The following UNC93B1 variants were observed in gnomAD, a reference collection of about 807,000 sequenced individuals.
UNC93B1 encodes unc-93B1 regulator of TLR signaling, also known as protein unc-93 homolog B1.
UNC93B1 carries 33 observed loss-of-function variants against 56.8 expected under a neutral mutation model. The ratio of observed to expected loss-of-function variants is 0.58; its 90% CI spans 0.44 to 0.78. The LOEUF is 0.78. Among genes scored for constraint, UNC93B1 ranks in the 30% least tolerant of loss-of-function variants. The probability of loss-of-function intolerance (pLI) is 0.00; values close to 1 mark genes in which losing one functional copy is unlikely to be tolerated. For synonymous variants in UNC93B1, 334 were observed against 358.6 expected, an observed-to-expected ratio of 0.93 and a Z score of 0.77; for missense variants, 673 against 819.5, an observed-to-expected ratio of 0.82 and a Z score of 2.18.
chr11:68,004,074 GC>G lies in UNC93B1; in HGVS notation c.-32del. On this transcript the variant is annotated 5_prime_UTR_variant, in exon 1 of 11. Coordinates refer to ENST00000227471, the MANE Select transcript of UNC93B1 (RefSeq NM_030930.4). Reference sequence around the variant, plus strand: ...GAACTACTGCGGACTCGCGGCGGTCGCCCCGGAGTCCCTGCGACCGCCCGGC... The same window carrying G: ...GAACTACTGCGGACTCGCGGCGGTCGCCCGGAGTCCCTGCGACCGCCCGGC... 7.6e-7 allele frequency: 1 copy of G among 1,311,418 alleles called. No individual in the cohort carries two copies. The highest frequency in any genetic ancestry group is 2.0e-5 in the South Asian group (1 of 48,950). 81.2% of individuals were successfully genotyped at this position (1,311,418 alleles called of 1,614,324 possible).
rs945915720 is a variant in UNC93B1, at chr11:67,997,785, C to T, written c.796G>A (p.Gly266Arg). The T allele has an allele frequency of 2.5e-6, 4 of 1,608,220 alleles. No individual in the cohort carries two copies. Among genetic ancestry groups the T allele is most frequent in the South Asian group, 1.1e-5 (1 of 90,768 alleles). ...GTCTTGTTGAAGCCGCTGAGGATCC[C>T]GTGGCTGTTGGTGCCTGGGAAGGGT... ...NVQSCGTNSH[G>R]ILSGFNKTVL... The change falls in exon 7 of 11, where the codon GGG becomes AGG. Residue 266 changes from glycine to arginine, a missense_variant. Gly to Arg is a moderately radical substitution (Grantham distance 125). Transcript: ENST00000227471.
chr11:67,996,059 A>T, intron 8 of UNC93B1, 175 bp from the exon 9 acceptor site: 1 of 372,548 alleles, frequency 2.7e-6, no homozygotes, highest in Non-Finnish European at 4.7e-6. Context: ...CCCCCCTGCG[A>T]TGGGGGTCCT....
chr11:67,999,289 G>A lies in UNC93B1; in HGVS notation c.571C>T (p.His191Tyr). The A allele has an allele frequency of 1.2e-6, 2 of 1,613,436 alleles. No individual in the cohort carries two copies. The highest frequency in any genetic ancestry group is 1.7e-6 in the Non-Finnish European group (2 of 1,179,744). Reference sequence around the variant, plus strand: ...TGCTCCTTGTAGTGGGAGTACTCATGGTACTTCTGCGCCATCCTGGACCAC... The same window carrying A: ...TGCTCCTTGTAGTGGGAGTACTCATAGTACTTCTGCGCCATCCTGGACCAC... Reference protein sequence around the residue: ...NYITRMAQKYHEYSHYKEQDG... With the variant: ...NYITRMAQKYYEYSHYKEQDG... Residue 191 changes from histidine (H) to tyrosine (Y), a missense_variant, in exon 5 of 11, where the codon CAT becomes TAT. Physicochemically the swap from His to Tyr is moderately conservative, Grantham distance 83. This residue lies in a region of UNC93B1 where 438 missense variants were observed against 465.9 expected (regional missense o/e 0.94). Transcript: ENST00000227471.
intron 3 of UNC93B1, among the ~76,000 whole-genome samples, chr11:68,002,185 T>TACACACACACACACAC (rs60629377): frequency 4.6e-4 from 65 of 140,774 alleles, no homozygotes; most frequent in South Asian, 1.2e-3. Context: ...CCCGCTTGCA[T>TACACACACACACACAC]ACACACACAC....
At chr11:67,995,274 A>G (rs113456865) in intron 9 of UNC93B1, among the ~76,000 whole-genome samples, 67 of 152,134 alleles carry the variant, frequency 4.4e-4, no homozygotes, top group African/African-American at 9.9e-4. Flanking sequence ...CACCTGCCCC[A>G]TGTAGCCACG....
In UNC93B1 at chr11:67,999,250, T is replaced by G. The variant is rs190433337; in HGVS notation, c.610A>C (p.Met204Leu). 3.1e-6 allele frequency: 5 copies of G among 1,613,660 alleles called. No individual in the cohort carries two copies. Among genetic ancestry groups the G allele is most frequent in the Middle Eastern group, 1.6e-4 (1 of 6,062 alleles). Reference sequence around the variant, plus strand: ...GAGCCCCGCGGAGGCCGCTGCTTCATCCCCTGCCCATCCTGCTCCTTGTAG... The same window carrying G: ...GAGCCCCGCGGAGGCCGCTGCTTCAGCCCCTGCCCATCCTGCTCCTTGTAG... Reference protein sequence around the residue: ...SHYKEQDGQGMKQRPPRGSHA... With the variant: ...SHYKEQDGQGLKQRPPRGSHA... Residue 204 changes from methionine (M) to leucine (L), a missense_variant, in exon 5 of 11, where the codon ATG becomes CTG. Met to Leu is a conservative substitution (Grantham distance 15, BLOSUM62 2). Around this residue, in one of 3 missense-constraint regions of UNC93B1, gnomAD observed 438 missense variants for 465.9 expected, o/e 0.94. Coordinates refer to ENST00000227471, the MANE Select transcript of UNC93B1 (RefSeq NM_030930.4).
chr11:67,997,698 C>G lies in UNC93B1; in HGVS notation c.883G>C (p.Val295Leu), dbSNP rs1856972682. The G allele has an allele frequency of 6.2e-7, 1 of 1,606,806 alleles. No homozygotes were observed. Among genetic ancestry groups the G allele is most frequent in the South Asian group, 1.1e-5 (1 of 91,066 alleles). The change falls in exon 7 of 11, where the codon GTG (valine) becomes CTG (leucine). Residue 295 changes from valine (V) to leucine (L), a missense_variant. Physicochemically the swap from Val to Leu is conservative, Grantham distance 32. Around this residue, in one of 3 missense-constraint regions of UNC93B1, gnomAD observed 438 missense variants for 465.9 expected, o/e 0.94. Transcript: ENST00000227471. ...LIVVESVLMA[V>L]AFLAMLLVLG... is the part of the protein sequence containing the mutation. ...ACCAGCAGCATGGCCAGGAAGGCCA[C>G]TGCCATGAGCACGCTCTCCACCACA...
In UNC93B1 at chr11:67,991,385, C is replaced by T. The variant is rs1451074139; in HGVS notation, c.*161G>A. The T allele has an allele frequency of 3.6e-5, 25 of 695,656 alleles. No homozygotes were observed. The highest frequency in any genetic ancestry group is 4.7e-5 in the Non-Finnish European group (22 of 471,508). The allele number at this position is 695,656 out of a possible 1,614,324, so 43.1% of individuals were successfully genotyped here. ...CGCCTTGGAGGGGGCTGCGGAAGCC[C>T]GGAGGTGACCTGGGCTCTGGGAGGG... On this transcript the variant is annotated 3_prime_UTR_variant, in exon 11 of 11. Transcript: ENST00000227471.
rs1192596291 is a variant in UNC93B1, at chr11:67,991,864, G to GT, written c.1483-8dup. The GT allele has an allele frequency of 1.0e-5, 16 of 1,560,680 alleles. No homozygotes were observed. In the African/African-American group the frequency reaches 2.2e-4, roughly 21 times the overall value. On this transcript the variant is annotated splice_region_variant and splice_polypyrimidine_tract_variant and intron_variant, in intron 10 of 10. Transcript: ENST00000227471. Reference sequence around the variant, plus strand: ...GCAGCACCGCCAGCTTAGCCTGGGCGTAAGGAGAGGGATGCCAGGGACCCG... The same window carrying GT: ...GCAGCACCGCCAGCTTAGCCTGGGCGTTAAGGAGAGGGATGCCAGGGACCCG...
At position 67,991,119 on chromosome 11, in the gene UNC93B1, CTT is replaced by C. The variant is rs1480263571; in HGVS notation, c.*425_*426del. 6.0e-6 allele frequency: 1 copy of C among 166,398 alleles called. No individual in the cohort carries two copies. The highest frequency in any genetic ancestry group is 2.4e-5 in the African/African-American group (1 of 41,920). The allele number at this position is 166,398 out of a possible 1,614,324, so 10.3% of individuals were successfully genotyped here. On this transcript the variant is annotated 3_prime_UTR_variant, in exon 11 of 11. Coordinates refer to ENST00000227471, the MANE Select transcript of UNC93B1 (RefSeq NM_030930.4). The stretch of plus-strand genomic sequence containing the variant: ...CCCCAGTCAGGACAGTACAAAATCT[CTT>C]TATTGCTCATTTTCTGTAAAAAATC...
At chr11:67,994,697 G>C (rs1418883940) in intron 9 of UNC93B1, among the ~76,000 whole-genome samples, 1 of 152,210 alleles carries the variant, frequency 6.6e-6, no homozygotes, top group Non-Finnish European at 1.5e-5. Flanking sequence ...AAACGGCCAA[G>C]AGACTGTGGT....
At chr11:67,992,650 T>C (rs1384632929) in intron 10 of UNC93B1, among the ~76,000 whole-genome samples, 1 of 121,042 alleles carries the variant, frequency 8.3e-6, no homozygotes, top group Non-Finnish European at 1.7e-5. Context: ...CTCACTGCTT[T>C]TCTTTTTTTT....
rs1856839933 is a variant in UNC93B1, at chr11:67,991,535, C to G, written c.*11G>C. On this transcript the variant is annotated 3_prime_UTR_variant, in exon 11 of 11. Transcript: ENST00000227471. ...GAGGAGGGAGGCTGAGTCCGGGGAC[C>G]AGGCGGCCCCTCACTGCTCCTCCGG... 7.1e-7 allele frequency: 1 copy of G among 1,404,132 alleles called. No individual in the cohort carries two copies. The highest frequency in any genetic ancestry group is 9.2e-7 in the Non-Finnish European group (1 of 1,085,544). The allele number at this position is 1,404,132 out of a possible 1,614,324, so 87.0% of individuals were successfully genotyped here. A position where few individuals can be genotyped will look rare whatever the true frequency, so the allele number is the denominator to read the frequency against.
intron 3 of UNC93B1, among the ~76,000 whole-genome samples, chr11:68,001,893 C>T (rs1424757554): frequency 1.3e-5 from 2 of 152,050 alleles, no homozygotes; most frequent in Non-Finnish European, 2.9e-5. Flanking sequence ...CCTGTAATCC[C>T]AGCACTTTGG....
At chr11:67,995,549 A>G (rs1590759678) in intron 9 of UNC93B1, 62 bp downstream of exon 9, 1 of 1,131,794 alleles carries the variant, frequency 8.8e-7, no homozygotes. Flanking sequence ...CCAACCACCC[A>G]CAGATAGCCA....
In UNC93B1 at chr11:68,004,038, C is replaced by T. The variant is rs1419419887; in HGVS notation, c.6G>A (p.Glu2=). Residue 2 remains glutamate, a synonymous_variant, in exon 1 of 11, where the codon GAG becomes GAA. Coordinates refer to ENST00000227471, the MANE Select transcript of UNC93B1 (RefSeq NM_030930.4). M[E]AEPPLYPMAG... ...CCATCGGGTAGAGCGGCGGCTCCGC[C>T]TCCATGGCCCGAACTACTGCGGACT... The T allele has an allele frequency of 2.9e-6, 4 of 1,394,958 alleles. No individual in the cohort carries two copies. The highest frequency in any genetic ancestry group is 3.7e-6 in the Non-Finnish European group (4 of 1,071,458). The allele number at this position is 1,394,958 out of a possible 1,614,324, so 86.4% of individuals were successfully genotyped here.
intron 10 of UNC93B1, among the ~76,000 whole-genome samples, chr11:67,993,135 C>A (rs1856876966): frequency 6.6e-6 from 1 of 152,128 alleles, no homozygotes; most frequent in Non-Finnish European, 1.5e-5. Flanking sequence ...ATTACAGGCA[C>A]CTGCCACCAC....
rs376118889 is a variant in UNC93B1, at chr11:67,998,340, A to G, written c.781+19T>C. On this transcript the variant is annotated intron_variant, in intron 6 of 10. Transcript: ENST00000227471. ...AGCAGGCTTTGTGGACTCCTCCCCA[A>G]CCCCCAACAAGGACTAACCGCAGCT... is the stretch of plus-strand genomic sequence containing the variant. 2.9e-5 allele frequency: 46 copies of G among 1,613,250 alleles called. No homozygotes were observed. The highest frequency in any genetic ancestry group is 3.7e-5 in the Non-Finnish European group (44 of 1,179,588).
Position 67,999,322 on chromosome 11 carries a change from A to G in UNC93B1, c.555-17T>C, listed in dbSNP as rs181702078. ...TGCGCCATCCTGGACCACAAAGGAG[A>G]GAAGGCTCTCCCCAGCCCGACCTGT... On this transcript the variant is annotated splice_polypyrimidine_tract_variant and intron_variant, in intron 4 of 10. Transcript: ENST00000227471. 95 of 1,606,910 alleles carry G rather than the reference A, an allele frequency of 5.9e-5. No homozygotes were observed. The African/African-American group carries it at 1.1e-3, about 18-fold the overall frequency.
Sources: gnomAD v4.1 joint callset for allele counts (sites outside exome capture counted in the v4.1 genomes callset) on GRCh38, gnomAD v4.1.1 for gene constraint, gnomAD v4.1.1 regional missense constraint, MANE v1.5 for transcripts, NCBI Gene and HGNC (gene_info 2026-07-23, HGNC 2026-07-21) for gene names.